The following IL1RAPL2 variants were observed in gnomAD, a reference collection of about 807,000 sequenced individuals.
The protein encoded by IL1RAPL2 is interleukin 1 receptor accessory protein like 2.
A neutral mutation model predicts 44.1 loss-of-function variants in IL1RAPL2; 3 were observed. The observed-to-expected ratio is 0.07, with a 90% CI of 0.03 to 0.18. IL1RAPL2 has a LOEUF of 0.18. Among genes scored for constraint, IL1RAPL2 ranks in the 10% least tolerant of loss-of-function variants. The probability of loss-of-function intolerance (pLI) is 1.00; values close to 1 mark genes in which losing one functional copy is unlikely to be tolerated. For synonymous variants in IL1RAPL2, 181 were observed against 178.8 expected, an observed-to-expected ratio of 1.01 and a Z score of -0.10; for missense variants, 391 against 496.4, an observed-to-expected ratio of 0.79 and a Z score of 2.02.
intron 5 of IL1RAPL2, among the ~76,000 whole-genome samples, chrX:105,344,918 T>A (rs1181932751): frequency 8.9e-6 from 1 of 111,856 alleles, no homozygotes; most frequent in African/African-American, 3.2e-5. Context: ...AGTATGACTA[T>A]GAACATTTAT....
At chrX:104,699,031 G>T (rs1276273468) in intron 2 of IL1RAPL2, among the ~76,000 whole-genome samples, 1 of 110,584 alleles carries the variant, frequency 9.0e-6, no homozygotes, top group Non-Finnish European at 1.9e-5. Flanking sequence ...GCTGGTATAG[G>T]CTGGTAGGGA....
At chrX:105,464,680 C>G (rs1002434352) in intron 5 of IL1RAPL2, among the ~76,000 whole-genome samples, 5 of 111,606 alleles carry the variant, frequency 4.5e-5, no homozygotes, top group Admixed American at 1.9e-4. Context: ...ATACTAAGAT[C>G]GTGTTGAAAA....
chrX:104,942,879 A>G lies in IL1RAPL2; in HGVS notation c.83-252596A>G, dbSNP rs1305893152. 2.7e-5 allele frequency among the ~76,000 whole-genome samples: 3 copies of G among 111,475 alleles called. No homozygotes were observed. In the Admixed American group the frequency reaches 2.9e-4, roughly 11 times the overall value. ...TTTGAGATACGTCCCATCAATACCT[A>G]GTTTATTGAGAGTTTTTAGCATGAA... On this transcript the variant is annotated intron_variant, in intron 2 of 10. Transcript: ENST00000372582.
intron 2 of IL1RAPL2, among the ~76,000 whole-genome samples, chrX:105,156,116 C>T (rs1312133240): frequency 8.9e-6 from 1 of 111,797 alleles, no homozygotes; most frequent in Non-Finnish European, 1.9e-5. Flanking sequence ...TTTACCTCTA[C>T]AGTGAGAGAG....
intron 2 of IL1RAPL2, among the ~76,000 whole-genome samples, chrX:104,893,337 G>A (rs1923526516): frequency 9.0e-6 from 1 of 111,354 alleles, no homozygotes; most frequent in Admixed American, 9.5e-5. Context: ...TTCAATTTCT[G>A]GATATCCTCA....
At chrX:105,415,813 T>C in intron 5 of IL1RAPL2, among the ~76,000 whole-genome samples, 1 of 111,663 alleles carries the variant, frequency 9.0e-6, no homozygotes, top group East Asian at 2.8e-4. Context: ...ATAAAAAAAT[T>C]ACTTATGTTA....
chrX:104,717,762 C>CA (rs1931601343), intron 2 of IL1RAPL2, among the ~76,000 whole-genome samples: 2 of 109,020 alleles, frequency 1.8e-5, no homozygotes, highest in Admixed American at 9.8e-5. Flanking sequence ...CTCCCCCCCC[C>CA]ACCCCACAAC....
chrX:105,202,196 A>T (rs1252413016), intron 3 of IL1RAPL2, among the ~76,000 whole-genome samples: 6 of 112,578 alleles, frequency 5.3e-5, no homozygotes, highest in Admixed American at 2.8e-4. Flanking sequence ...AAGGAAGCAG[A>T]TGCTTACAGT....
At chrX:104,683,820 TG>T (rs1448841093) in intron 2 of IL1RAPL2, among the ~76,000 whole-genome samples, 1 of 112,316 alleles carries the variant, frequency 8.9e-6, no homozygotes, top group African/African-American at 3.2e-5. Context: ...TAGAAGAGTC[TG>T]GCTTTCCTTC....
intron 6 of IL1RAPL2, among the ~76,000 whole-genome samples, chrX:105,610,709 G>T (rs2037329387): frequency 9.0e-6 from 1 of 111,501 alleles, no homozygotes; most frequent in African/African-American, 3.3e-5. Flanking sequence ...TGGTGATACT[G>T]TTGTAAACAA....
intron 2 of IL1RAPL2, among the ~76,000 whole-genome samples, chrX:105,180,044 GTGGGCATCCTAGC>G (rs1280739958): frequency 9.1e-6 from 1 of 110,187 alleles, no homozygotes; most frequent in East Asian, 2.8e-4. Flanking sequence ...AGTGGTGAAA[GTGGGCATCCTAGC>G]TGGGCACAGT....
At chrX:105,238,829 A>G in intron 4 of IL1RAPL2, among the ~76,000 whole-genome samples, 1 of 111,294 alleles carries the variant, frequency 9.0e-6, no homozygotes. Flanking sequence ...CAATTCATTC[A>G]TAGGTTATGA....
At chrX:104,722,631 G>A (rs923942365) in intron 2 of IL1RAPL2, among the ~76,000 whole-genome samples, 1 of 111,964 alleles carries the variant, frequency 8.9e-6, no homozygotes, top group Non-Finnish European at 1.9e-5. Flanking sequence ...AGAACTAGAG[G>A]AGGTGGTTTC....
intron 2 of IL1RAPL2, among the ~76,000 whole-genome samples, chrX:104,745,410 A>G (rs1424077046): frequency 8.9e-6 from 1 of 112,161 alleles, no homozygotes; most frequent in Non-Finnish European, 1.9e-5. Context: ...GCAAGCAGTC[A>G]GTAGTTTTTC....
chrX:105,191,727 A>T (rs1283517171), intron 2 of IL1RAPL2, among the ~76,000 whole-genome samples: 1 of 112,463 alleles, frequency 8.9e-6, no homozygotes, highest in Non-Finnish European at 1.9e-5. Flanking sequence ...AAGAATATTT[A>T]TAATCATACT....
intron 2 of IL1RAPL2, among the ~76,000 whole-genome samples, chrX:104,753,680 A>G (rs1416503555): frequency 1.8e-5 from 2 of 111,804 alleles, no homozygotes; most frequent in Non-Finnish European, 3.8e-5. Flanking sequence ...CATTAGGAAC[A>G]TAAACAATAC....
chrX:104,887,735 T>C (rs1403360265), intron 2 of IL1RAPL2, among the ~76,000 whole-genome samples: 1 of 111,785 alleles, frequency 8.9e-6, no homozygotes, highest in African/African-American at 3.3e-5. Flanking sequence ...TCCAGACTTA[T>C]GCTGCCCAAA....
chrX:105,078,916 C>T (rs1487405465), intron 2 of IL1RAPL2, among the ~76,000 whole-genome samples: 1 of 112,103 alleles, frequency 8.9e-6, no homozygotes, highest in Non-Finnish European at 1.9e-5. Flanking sequence ...CCCGATTTTC[C>T]AGGTGCCCTC....
At chrX:105,222,982 T>A in intron 3 of IL1RAPL2, among the ~76,000 whole-genome samples, 1 of 110,925 alleles carries the variant, frequency 9.0e-6, no homozygotes, top group East Asian at 2.8e-4. Flanking sequence ...AAATCCTGTG[T>A]CTACTAAAAA....
Sources: gnomAD v4.1 joint callset for allele counts (sites outside exome capture counted in the v4.1 genomes callset) on GRCh38, gnomAD v4.1.1 for gene constraint, MANE v1.5 for transcripts, NCBI Gene and HGNC (gene_info 2026-07-23, HGNC 2026-07-21) for gene names.